Variants in SLMAP observed in about 807,000 individuals in gnomAD.
SLMAP encodes the protein sarcolemmal membrane-associated protein.
Under a neutral mutation model 128.8 loss-of-function variants are expected in SLMAP, and 44 were observed. That is an observed-to-expected ratio of 0.34 (90% CI 0.27 to 0.44). The LOEUF (loss-of-function observed/expected upper bound fraction) is 0.44. SLMAP is among the 20% of genes least tolerant of loss of function. The pLI is 1.00. For synonymous variants in SLMAP, 327 were observed against 348.8 expected (o/e 0.94, Z 0.70); for missense variants, 787 against 985.3 (o/e 0.80, Z 2.69).
At chr3:57,909,698 C>T (rs1243649664) in intron 19 of SLMAP, among the ~76,000 whole-genome samples, 2 of 151,448 alleles carry the variant, frequency 1.3e-5, no homozygotes, top group Non-Finnish European at 1.5e-5. Context: ...CTGCAACCTC[C>T]GCCTCCCAGG....
chr3:57,912,056 A>C (rs1218793956), intron 19 of SLMAP, among the ~76,000 whole-genome samples: 13 of 152,062 alleles, frequency 8.5e-5, no homozygotes, highest in Non-Finnish European at 5.9e-5. Flanking sequence ...AAAGAGTTTC[A>C]TCAACAGAAG....
At chr3:57,789,206 A>G (rs570834585) in intron 2 of SLMAP, among the ~76,000 whole-genome samples, 1 of 152,338 alleles carries the variant, frequency 6.6e-6, no homozygotes, top group South Asian at 2.1e-4. Flanking sequence ...TTGTTAAAGC[A>G]TGGTAAGGAA....
At chr3:57,860,876 T>C (rs2095021747) in intron 9 of SLMAP, 37 bp downstream of exon 9, 2 of 1,506,066 alleles carry the variant, frequency 1.3e-6, no homozygotes, top group Non-Finnish European at 8.9e-7. Context: ...AATAGTATTA[T>C]GAGTGTTCAA....
chr3:57,826,133 A>G (rs978617206), intron 2 of SLMAP, among the ~76,000 whole-genome samples: 6 of 152,078 alleles, frequency 3.9e-5, no homozygotes, highest in Non-Finnish European at 7.4e-5. Context: ...GAGCCTTCTA[A>G]TTTGTATTCA....
At chr3:57,840,640 G>A (rs2093889040) in intron 3 of SLMAP, among the ~76,000 whole-genome samples, 1 of 152,202 alleles carries the variant, frequency 6.6e-6, no homozygotes, top group Non-Finnish European at 1.5e-5. Context: ...ACAGTGAGAA[G>A]CTGTCTACAA....
chr3:57,871,755 A>T, intron 14 of SLMAP, 57 bp downstream of exon 14: 1 of 1,304,430 alleles, frequency 7.7e-7, no homozygotes. Flanking sequence ...TAAAACTTAA[A>T]AGTGAGAGGT....
chr3:57,922,114 T>C (rs2096930186), intron 22 of SLMAP, among the ~76,000 whole-genome samples: 1 of 152,232 alleles, frequency 6.6e-6, no homozygotes, highest in Non-Finnish European at 1.5e-5. Flanking sequence ...CAGAACACTT[T>C]AATACCCAGT....
At chr3:57,798,160 A>G (rs1248473286) in intron 2 of SLMAP, among the ~76,000 whole-genome samples, 2 of 152,184 alleles carry the variant, frequency 1.3e-5, no homozygotes, top group African/African-American at 4.8e-5. Context: ...TTTATTACCA[A>G]GAATATTTTT....
chr3:57,817,732 A>G (rs2153523648), intron 2 of SLMAP, among the ~76,000 whole-genome samples: 1 of 152,350 alleles, frequency 6.6e-6, no homozygotes, highest in South Asian at 2.1e-4. Context: ...AGCTCCTAGC[A>G]TGAGCAAAAG....
intron 6 of SLMAP, among the ~76,000 whole-genome samples, chr3:57,850,761 G>A (rs1050704283): frequency 6.6e-6 from 1 of 152,128 alleles, no homozygotes; most frequent in African/African-American, 2.4e-5. Flanking sequence ...AGCCTCCTGA[G>A]TGGCTGGGAC....
At position 57,860,850 on chromosome 3, in the gene SLMAP, C is replaced by CA. The variant is rs760021345; in HGVS notation, c.828+21dup. On this transcript the variant is annotated intron_variant, in intron 9 of 24. Transcript: ENST00000671191. The stretch of plus-strand genomic sequence containing the variant: ...CTTTCAGAAGTTGAGGTATTTCAAT[C>CA]AAAAAAAAAATACTAAATAGTATTA... 9.1e-4 allele frequency: 1,322 copies of CA among 1,446,210 alleles called. No individual in the cohort carries two copies. The highest frequency in any genetic ancestry group is 1.1e-3 in the South Asian group (84 of 74,278). The allele number at this position is 1,446,210 out of a possible 1,614,324, so 89.6% of individuals were successfully genotyped here.
intron 13 of SLMAP, among the ~76,000 whole-genome samples, chr3:57,869,642 A>G (rs2095427767): frequency 1.5e-5 from 2 of 129,360 alleles, no homozygotes; most frequent in African/African-American, 6.1e-5. Context: ...ATATATATAT[A>G]TATATATATA....
chr3:57,802,101 A>G (rs2088611305), intron 2 of SLMAP, among the ~76,000 whole-genome samples: 1 of 152,192 alleles, frequency 6.6e-6, no homozygotes, highest in South Asian at 2.1e-4. Flanking sequence ...TTCACCTATT[A>G]TAAATGTAAG....
At chr3:57,802,982 T>A (rs17058559) in intron 2 of SLMAP, among the ~76,000 whole-genome samples, 2,774 of 152,126 alleles carry the variant, frequency 0.018, 75 homozygotes, top group African/African-American at 0.063. Flanking sequence ...AATTAAATGG[T>A]GTAAGAGAGT....
intron 15 of SLMAP, among the ~76,000 whole-genome samples, chr3:57,892,167 A>G (rs2096092339): frequency 6.6e-6 from 1 of 152,204 alleles, no homozygotes. Context: ...GATGGCTGAA[A>G]TAAGTTACAT....
chr3:57,840,290 GAT>G (rs1325696981), intron 3 of SLMAP, among the ~76,000 whole-genome samples: 46 of 152,340 alleles, frequency 3.0e-4, no homozygotes, highest in African/African-American at 1.1e-3. Context: ...GTTTTGTTGA[GAT>G]ATAATTTACG....
intron 2 of SLMAP, among the ~76,000 whole-genome samples, chr3:57,806,683 A>C (rs1374461599): frequency 2.0e-5 from 3 of 151,716 alleles, no homozygotes; most frequent in Non-Finnish European, 4.4e-5. Context: ...CAAGTGATCC[A>C]CCTACCTCGG....
chr3:57,910,188 A>T (rs145955924), intron 19 of SLMAP, among the ~76,000 whole-genome samples: 146 of 151,906 alleles, frequency 9.6e-4, no homozygotes, highest in African/African-American at 3.3e-3. Flanking sequence ...TTGCAAGAAA[A>T]TATTTTTTTG....
chr3:57,924,928 T>G (rs1050718817), intron 23 of SLMAP, among the ~76,000 whole-genome samples: 1 of 151,486 alleles, frequency 6.6e-6, no homozygotes, highest in Non-Finnish European at 1.5e-5. Flanking sequence ...TGGTGAAGTA[T>G]TGTCAGTGTT....
Sources: gnomAD v4.1 joint callset for allele counts (sites outside exome capture counted in the v4.1 genomes callset) on GRCh38, gnomAD v4.1.1 for gene constraint, MANE v1.5 for transcripts, NCBI Gene and HGNC (gene_info 2026-07-23, HGNC 2026-07-21) for gene names.